Variants in LYN observed in about 807,000 individuals in gnomAD.
LYN encodes LYN proto-oncogene, Src family tyrosine kinase.
A neutral mutation model predicts 65.0 loss-of-function variants in LYN; 12 were observed. That is an observed-to-expected ratio of 0.18 (90% CI 0.12 to 0.30). The LOEUF is 0.30. Among genes scored for constraint, LYN ranks in the 10% least tolerant of loss-of-function variants. The probability of loss-of-function intolerance (pLI) is 1.00; values close to 1 mark genes in which losing one functional copy is unlikely to be tolerated. For missense variants in LYN, 380 were observed against 623.2 expected, an observed-to-expected ratio of 0.61 and a Z score of 4.16; for synonymous variants, 222 against 221.2, an observed-to-expected ratio of 1.00 and a Z score of -0.03.
At chr8:55,895,530 C>T (rs1805071551) in intron 1 of LYN, 1 of 152,082 alleles carries the variant, frequency 6.6e-6, no homozygotes, top group Non-Finnish European at 1.5e-5. Context: ...TGGCTCACAC[C>T]TGTAGTCACA....
chr8:55,974,941 C>T (rs775970552), intron 10 of LYN, among the ~76,000 whole-genome samples: 7 of 152,070 alleles, frequency 4.6e-5, no homozygotes, highest in East Asian at 1.9e-4. Context: ...AGGCCAGATC[C>T]GCTCCCCACT....
intron 12 of LYN, among the ~76,000 whole-genome samples, chr8:56,009,115 TATAAG>T (rs1478325747): frequency 5.9e-5 from 9 of 152,242 alleles, no homozygotes; most frequent in African/African-American, 2.2e-4. Flanking sequence ...AAAATGTCCG[TATAAG>T]ATAATATGTG....
chr8:55,941,196 A>ACTG (rs1806600977), intron 1 of LYN, among the ~76,000 whole-genome samples: 1 of 152,028 alleles, frequency 6.6e-6, no homozygotes, highest in African/African-American at 2.4e-5. Context: ...CACCTTGCAC[A>ACTG]CTGCAGATTG....
At chr8:55,922,065 T>C (rs1805961280) in intron 1 of LYN, among the ~76,000 whole-genome samples, 1 of 152,126 alleles carries the variant, frequency 6.6e-6, no homozygotes, top group Non-Finnish European at 1.5e-5. Flanking sequence ...GGGTGGAGAA[T>C]GAATGGATAA....
chr8:56,003,684 AAAG>A (rs200804081), intron 12 of LYN, among the ~76,000 whole-genome samples: 6,463 of 151,592 alleles, frequency 0.043, 371 homozygotes, highest in African/African-American at 0.14. Context: ...AAAAAAAAAA[AAAG>A]AAGAAGTCAT....
chr8:56,011,687 T>A lies in LYN; in HGVS notation c.*1577T>A, dbSNP rs552139906. 1 of 193,592 alleles carries A rather than the reference T, an allele frequency of 5.2e-6. No homozygotes were observed. Among genetic ancestry groups the A allele is most frequent in the East Asian group, 8.3e-5 (1 of 12,104 alleles). 12.0% of individuals were successfully genotyped at this position (193,592 alleles called of 1,614,324 possible). Reference sequence around the variant, plus strand: ...GTGCTTAGAAGATGGGATAAAATATTCTACTTTTTTCTAAATTTTAACTTT... The same window carrying A: ...GTGCTTAGAAGATGGGATAAAATATACTACTTTTTTCTAAATTTTAACTTT... On this transcript the variant is annotated 3_prime_UTR_variant, in exon 13 of 13. Transcript: ENST00000519728.
chr8:55,879,876 C>G lies in LYN; in HGVS notation c.-233C>G. 1 of 189,564 alleles carries G rather than the reference C, an allele frequency of 5.3e-6. No individual in the cohort carries two copies. The highest frequency in any genetic ancestry group is 6.0e-5 in the Admixed American group (1 of 16,610). 11.7% of individuals were successfully genotyped at this position (189,564 alleles called of 1,614,324 possible). On this transcript the variant is annotated 5_prime_UTR_variant, in exon 1 of 13. Transcript: ENST00000519728. ...CGCCGGGCCGCGCTGCCGCTCGCTC[C>G]CCGGCCGTGGCGCCTCCGGGCCAGA... is the stretch of plus-strand genomic sequence containing the variant.
At chr8:55,987,086 T>G (rs2130563122) in intron 10 of LYN, among the ~76,000 whole-genome samples, 1 of 152,248 alleles carries the variant, frequency 6.6e-6, no homozygotes, top group East Asian at 1.9e-4. Context: ...ACTGCCAACT[T>G]GGTGAGCATT....
At chr8:55,992,696 T>A (rs934749520) in intron 10 of LYN, among the ~76,000 whole-genome samples, 1 of 152,216 alleles carries the variant, frequency 6.6e-6, no homozygotes, top group Non-Finnish European at 1.5e-5. Context: ...TATGATCTAG[T>A]GCTCTGCTTC....
At chr8:55,905,885 C>G (rs528307131) in intron 1 of LYN, among the ~76,000 whole-genome samples, 1 of 152,338 alleles carries the variant, frequency 6.6e-6, no homozygotes, top group Non-Finnish European at 1.5e-5. Flanking sequence ...CTGGGACACA[C>G]CTCTGGCAGT....
rs1491441627 is a variant in LYN, at chr8:55,911,106, C to CAT, written c.-5-30749_-5-30748insAT. Reference sequence around the variant, plus strand: ...ACATATATATATATATATACATACACGTATATATACGTATATATATACACA... The same window carrying CAT: ...ACATATATATATATATATACATACACATGTATATATACGTATATATATACACA... On this transcript the variant is annotated intron_variant, in intron 1 of 12. Coordinates refer to ENST00000519728, the MANE Select transcript of LYN (RefSeq NM_002350.4). Among the ~76,000 whole-genome samples, 7 of 1,056 alleles carry CAT rather than the reference C, an allele frequency of 6.6e-3. 1 individual carries two copies. The highest frequency in any genetic ancestry group is 0.024 in the African/African-American group (7 of 290). The allele number at this position is 1,056 out of a possible 152,430, so 0.7% of individuals were successfully genotyped here.
intron 12 of LYN, among the ~76,000 whole-genome samples, chr8:56,003,217 GCC>G (rs1808576095): frequency 6.7e-6 from 1 of 150,342 alleles, no homozygotes; most frequent in Admixed American, 6.6e-5. Flanking sequence ...CCGCCACCAC[GCC>G]CAGCTAATTT....
chr8:55,881,388 C>T (rs1370914364), intron 1 of LYN, among the ~76,000 whole-genome samples: 2 of 152,218 alleles, frequency 1.3e-5, no homozygotes, highest in Non-Finnish European at 2.9e-5. Context: ...GTACAGCCAA[C>T]ACCTAAAGCC....
intron 1 of LYN, among the ~76,000 whole-genome samples, chr8:55,912,972 T>C (rs1247405657): frequency 6.6e-6 from 1 of 152,186 alleles, no homozygotes. Context: ...TATCAATATT[T>C]AACCACTAGA....
At chr8:55,905,283 G>T (rs1329233097) in intron 1 of LYN, among the ~76,000 whole-genome samples, 2 of 152,040 alleles carry the variant, frequency 1.3e-5, no homozygotes, top group African/African-American at 4.8e-5. Flanking sequence ...GTGGTGGCAG[G>T]CACCTGTGAT....
chr8:55,979,409 G>A (rs1052284637), intron 10 of LYN, among the ~76,000 whole-genome samples: 2 of 152,108 alleles, frequency 1.3e-5, no homozygotes, highest in African/African-American at 2.4e-5. Flanking sequence ...ACTGAGAGAG[G>A]AACTTAAATT....
chr8:55,915,396 T>C (rs1035814794), intron 1 of LYN, among the ~76,000 whole-genome samples: 1 of 152,206 alleles, frequency 6.6e-6, no homozygotes, highest in Non-Finnish European at 1.5e-5. Context: ...CAAAGAAGTA[T>C]TTGAGGTCCT....
intron 10 of LYN, among the ~76,000 whole-genome samples, chr8:55,970,814 G>A (rs1002860011): frequency 2.6e-5 from 4 of 152,336 alleles, no homozygotes; most frequent in South Asian, 2.1e-4. Flanking sequence ...TCTGCCACTC[G>A]ATAGCTATAC....
At position 56,011,212 on chromosome 8, in the gene LYN, C is replaced by G. The variant is rs1585691806; in HGVS notation, c.*1102C>G. On this transcript the variant is annotated 3_prime_UTR_variant, in exon 13 of 13. Transcript: ENST00000519728. ...AAGGAACATAAGTGACTACAAGGCT[C>G]TAATAAGCCACGGTGGCAGGAGGTT... 4.4e-6 allele frequency: 1 copy of G among 227,316 alleles called. No individual in the cohort carries two copies. The highest frequency in any genetic ancestry group is 1.8e-4 in the South Asian group (1 of 5,478). The allele number at this position is 227,316 out of a possible 1,614,324, so 14.1% of individuals were successfully genotyped here. A position where few individuals can be genotyped will look rare whatever the true frequency, so the allele number is the denominator to read the frequency against.
Sources: gnomAD v4.1 joint callset for allele counts (sites outside exome capture counted in the v4.1 genomes callset) on GRCh38, gnomAD v4.1.1 for gene constraint, MANE v1.5 for transcripts, NCBI Gene and HGNC (gene_info 2026-07-23, HGNC 2026-07-21) for gene names.